The following SVIL variants were observed in gnomAD, a reference collection of about 807,000 sequenced individuals.
The protein encoded by SVIL is archvillin.
SVIL carries 101 observed loss-of-function variants against 240.4 expected under a neutral mutation model. The ratio of observed to expected loss-of-function variants is 0.42; its 90% confidence interval spans 0.36 to 0.50. The LOEUF (loss-of-function observed/expected upper bound fraction) is 0.50. Ranked by LOEUF, SVIL falls within the 20% of genes least tolerant of loss-of-function variation. The pLI is 0.01. For missense variants in SVIL, 2,512 were observed against 2,818.7 expected, an observed-to-expected ratio of 0.89 and a Z score of 2.46; for synonymous variants, 999 against 1,100.0, an observed-to-expected ratio of 0.91 and a Z score of 1.82.
chr10:29,497,760 C>A (rs1199277133), intron 18 of SVIL, among the ~76,000 whole-genome samples: 1 of 152,048 alleles, frequency 6.6e-6, no homozygotes, highest in Non-Finnish European at 1.5e-5. Flanking sequence ...TACATGGTTG[C>A]CAGGTCAGAA....
intron 2 of SVIL, among the ~76,000 whole-genome samples, chr10:29,683,437 G>A (rs1806357224): frequency 6.6e-6 from 1 of 152,172 alleles, no homozygotes; most frequent in Non-Finnish European, 1.5e-5. Flanking sequence ...CTTAATGCTG[G>A]TCAGCTGGGT....
chr10:29,563,760 A>C (rs1405678529), intron 2 of SVIL, among the ~76,000 whole-genome samples: 1 of 152,184 alleles, frequency 6.6e-6, no homozygotes, highest in African/African-American at 2.4e-5. Flanking sequence ...GCATCAAAGC[A>C]TGGTCAAAAG....
At position 29,494,990 on chromosome 10, in the gene SVIL, GGCTTCGATATCTAGGCAA is replaced by G; in HGVS notation, c.3755-8_3764del. On this transcript the variant is annotated splice_acceptor_variant and splice_polypyrimidine_tract_variant and coding_sequence_variant and intron_variant, in exon 20 of 38. Transcript: ENST00000355867. LOFTEE classifies it high-confidence loss of function. Reference sequence around the variant, plus strand: ...CCGATTCTAACTGCATATCTGGTCTGGCTTCGATATCTAGGCAAGCAGAAACCGTCAGTGAGACAGCAT... The same window carrying G: ...CCGATTCTAACTGCATATCTGGTCTGGCAGAAACCGTCAGTGAGACAGCAT... 1 of 1,613,610 alleles carries G rather than the reference GGCTTCGATATCTAGGCAA, an allele frequency of 6.2e-7. No homozygotes were observed. The highest frequency in any genetic ancestry group is 1.3e-5 in the African/African-American group (1 of 74,664).
In SVIL at chr10:29,512,739, T is replaced by C. The variant is rs778362816; in HGVS notation, c.3512A>G (p.Lys1171Arg). Reference sequence around the variant, plus strand: ...TCCTAACATGGGGAATGTTACCTTCTTGATGAGGGACCGCCCTGCTTCCTG... The same window carrying C: ...TCCTAACATGGGGAATGTTACCTTCCTGATGAGGGACCGCCCTGCTTCCTG... ...HTQEAGRSLI[K>R]KRVTESRESQ... is the part of the protein sequence containing the mutation. The change falls in exon 17 of 38, where the codon AAG (lysine) becomes AGG (arginine). Residue 1171 changes from lysine (K) to arginine (R), a missense_variant. This residue lies in a region of SVIL where 1,443 missense variants were observed against 1,486.6 expected (regional missense o/e 0.97). Transcript: ENST00000355867. 11 of 1,614,146 alleles carry C rather than the reference T, an allele frequency of 6.8e-6. No individual in the cohort carries two copies. The South Asian group carries it at 1.2e-4, about 18-fold the overall frequency.
At chr10:29,555,590 TA>T (rs1953852640) in intron 3 of SVIL, among the ~76,000 whole-genome samples, 1 of 152,218 alleles carries the variant, frequency 6.6e-6, no homozygotes. Flanking sequence ...ATAGGTTGGC[TA>T]AGAAGTAAAA....
At chr10:29,460,138 T>C (rs1944070021) in intron 36 of SVIL, among the ~76,000 whole-genome samples, 1 of 152,084 alleles carries the variant, frequency 6.6e-6, no homozygotes, top group Non-Finnish European at 1.5e-5. Flanking sequence ...TGCGTCTGAG[T>C]ACTGACTCCT....
intron 2 of SVIL, among the ~76,000 whole-genome samples, chr10:29,685,423 G>A (rs1042849996): frequency 4.6e-4 from 70 of 152,136 alleles, no homozygotes; most frequent in Non-Finnish European, 9.7e-4. Flanking sequence ...ATGTATACAC[G>A]TTTGGGTCTA....
intron 17 of SVIL, among the ~76,000 whole-genome samples, chr10:29,507,583 ACAC>A (rs1454904458): frequency 6.8e-6 from 1 of 146,048 alleles, no homozygotes; most frequent in Non-Finnish European, 1.5e-5. Context: ...ATGGACACAC[ACAC>A]AATTGTACTG....
At chr10:29,553,076 C>A (rs982907028) in intron 5 of SVIL, among the ~76,000 whole-genome samples, 5 of 151,154 alleles carry the variant, frequency 3.3e-5, no homozygotes, top group Non-Finnish European at 7.4e-5. Flanking sequence ...CCTCAGCCTC[C>A]CAAAGTGCTG....
At chr10:29,464,936 G>C (rs1321375220) in intron 34 of SVIL, among the ~76,000 whole-genome samples, 3 of 152,180 alleles carry the variant, frequency 2.0e-5, no homozygotes, top group Non-Finnish European at 4.4e-5. Context: ...CCCTGACCTT[G>C]GGATCAGAAG....
chr10:29,503,688 G>A (rs1175323131), intron 17 of SVIL, among the ~76,000 whole-genome samples: 4 of 152,160 alleles, frequency 2.6e-5, no homozygotes, highest in Non-Finnish European at 2.9e-5. Flanking sequence ...TTTGGCAAAT[G>A]TTAATTTCCT....
chr10:29,616,910 A>G (rs1448210477), intron 1 of SVIL, among the ~76,000 whole-genome samples: 3 of 152,124 alleles, frequency 2.0e-5, no homozygotes, highest in Non-Finnish European at 4.4e-5. Flanking sequence ...TTTAGTAGAG[A>G]CAGGGTTTCG....
intron 1 of SVIL, among the ~76,000 whole-genome samples, chr10:29,605,001 G>A (rs1194142647): frequency 6.6e-6 from 1 of 152,240 alleles, no homozygotes; most frequent in Non-Finnish European, 1.5e-5. Context: ...CCCAGGATAA[G>A]GGCGGGAATA....
At chr10:29,535,336 A>G (rs1951666818) in intron 7 of SVIL, among the ~76,000 whole-genome samples, 1 of 152,172 alleles carries the variant, frequency 6.6e-6, no homozygotes. Flanking sequence ...CTCCTGTGGA[A>G]TGCGTGCTCC....
At chr10:29,547,099 T>C (rs751477694) in intron 6 of SVIL, among the ~76,000 whole-genome samples, 1 of 152,206 alleles carries the variant, frequency 6.6e-6, no homozygotes, top group African/African-American at 2.4e-5. Flanking sequence ...CATATTTTTT[T>C]TGGTTCATCT....
intron 5 of SVIL, among the ~76,000 whole-genome samples, chr10:29,553,395 A>G (rs1953569032): frequency 6.6e-6 from 1 of 152,120 alleles, no homozygotes; most frequent in Admixed American, 6.6e-5. Context: ...CCTCGCCAAC[A>G]TGGTGAAACC....
chr10:29,463,887 C>T (rs777844896), intron 34 of SVIL, among the ~76,000 whole-genome samples: 1 of 152,334 alleles, frequency 6.6e-6, no homozygotes, highest in South Asian at 2.1e-4. Context: ...TTTCATTCCT[C>T]GTCCTCCAGG....
intron 29 of SVIL, chr10:29,475,373 C>T (rs1407243122): frequency 6.6e-6 from 1 of 152,232 alleles, no homozygotes; most frequent in Non-Finnish European, 1.5e-5. Flanking sequence ...ATATGTCTCA[C>T]TCTAGATTCC....
At chr10:29,637,375 T>A (rs552545995), upstream of SVIL, among the ~76,000 whole-genome samples, 23 of 152,074 alleles carry the variant, frequency 1.5e-4, no homozygotes, top group African/African-American at 5.5e-4. Flanking sequence ...TAATCCCAGT[T>A]ACTAGGGAGG....
Sources: gnomAD v4.1 joint callset for allele counts (sites outside exome capture counted in the v4.1 genomes callset) on GRCh38, gnomAD v4.1.1 for gene constraint, gnomAD v4.1.1 regional missense constraint, MANE v1.5 for transcripts, NCBI Gene and HGNC (gene_info 2026-07-23, HGNC 2026-07-21) for gene names.